Variants in GSE1 observed in about 807,000 individuals in gnomAD.
GSE1 encodes the protein genetic suppressor element 1.
GSE1 carries 32 observed loss-of-function variants against 112.6 expected under a neutral mutation model. The ratio of observed to expected loss-of-function variants is 0.28; its 90% confidence interval spans 0.21 to 0.38. The LOEUF is 0.38. GSE1 is among the 10% of genes least tolerant of loss of function. GSE1 has a pLI of 1.00. For missense variants in GSE1, 2,348 were observed against 1,699.2 expected (o/e 1.38, Z -6.71); for synonymous variants, 1,115 against 735.6 (o/e 1.52, Z -8.35).
chr16:85,663,967 C>T (rs1305148018), intron 11 of GSE1, among the ~76,000 whole-genome samples: 4 of 152,258 alleles, frequency 2.6e-5, no homozygotes, highest in Non-Finnish European at 5.9e-5. Context: ...GCAGGCTTTT[C>T]CTCTTGCTGG....
chr16:85,354,078 C>CACATTCCAGCTGCTCCAGGA (rs1411973090), intron 1 of GSE1, among the ~76,000 whole-genome samples: 1 of 152,200 alleles, frequency 6.6e-6, no homozygotes, highest in Non-Finnish European at 1.5e-5. Context: ...AGGCCCACTT[C>CACATTCCAGCTGCTCCAGGA]ACATTCCAGC....
chr16:85,663,868 C>G (rs1035645088), intron 11 of GSE1, among the ~76,000 whole-genome samples: 1 of 152,268 alleles, frequency 6.6e-6, no homozygotes, highest in African/African-American at 2.4e-5. Context: ...CATCCATCTC[C>G]CAGCGCCCGA....
chr16:85,669,530 A>C (rs952175763), intron 14 of GSE1, among the ~76,000 whole-genome samples: 7 of 152,010 alleles, frequency 4.6e-5, no homozygotes, highest in African/African-American at 1.7e-4. Flanking sequence ...GGAATCTTTG[A>C]GTTTATTGCG....
chr16:85,400,519 G>A (rs531114600), intron 2 of GSE1, among the ~76,000 whole-genome samples: 563 of 151,580 alleles, frequency 3.7e-3, no homozygotes, highest in Middle Eastern at 0.01. Context: ...CTGTGTGGTT[G>A]TGAGCCTGTG....
intron 1 of GSE1, among the ~76,000 whole-genome samples, chr16:85,173,810 G>C (rs2074406822): frequency 6.6e-6 from 1 of 152,218 alleles, no homozygotes; most frequent in African/African-American, 2.4e-5. Context: ...AGTCTGGTGT[G>C]GACGGGAACG....
intron 1 of GSE1, among the ~76,000 whole-genome samples, chr16:85,273,187 G>C (rs1909022606): frequency 6.6e-6 from 1 of 152,210 alleles, no homozygotes; most frequent in South Asian, 2.1e-4. Context: ...GGCCTCTCCG[G>C]GCCCTGGTGT....
intron 1 of GSE1, among the ~76,000 whole-genome samples, chr16:85,632,360 C>T (rs985386104): frequency 1.3e-5 from 2 of 152,068 alleles, no homozygotes; most frequent in African/African-American, 2.4e-5. Flanking sequence ...CATTTGCAGC[C>T]CCCTCTCTCA....
chr16:85,250,478 C>T (rs913467010), intron 1 of GSE1, among the ~76,000 whole-genome samples: 2 of 152,334 alleles, frequency 1.3e-5, no homozygotes, highest in African/African-American at 4.8e-5. Context: ...AGGCCTCCCC[C>T]GACCCCCTAC....
intron 1 of GSE1, among the ~76,000 whole-genome samples, chr16:85,584,976 T>C (rs2046621072): frequency 6.6e-6 from 1 of 151,660 alleles, no homozygotes; most frequent in Non-Finnish European, 1.5e-5. Flanking sequence ...GGTAATGGGA[T>C]GCGCCAGAGA....
chr16:85,585,057 C>G (rs1012957719), intron 1 of GSE1, among the ~76,000 whole-genome samples: 5 of 151,752 alleles, frequency 3.3e-5, no homozygotes, highest in African/African-American at 1.2e-4. Flanking sequence ...CTTTCACTGA[C>G]GGGAAAGAAA....
At chr16:85,354,870 G>A (rs1484998435) in intron 1 of GSE1, among the ~76,000 whole-genome samples, 1 of 152,246 alleles carries the variant, frequency 6.6e-6, no homozygotes, top group Non-Finnish European at 1.5e-5. Flanking sequence ...AAGGCTGCAG[G>A]AGTAGCTCAG....
At chr16:85,272,183 G>A (rs764029771) in intron 1 of GSE1, among the ~76,000 whole-genome samples, 16 of 152,224 alleles carry the variant, frequency 1.1e-4, no homozygotes, top group Non-Finnish European at 1.5e-4. Flanking sequence ...AACAGGCTCC[G>A]CTTTGGATGT....
intron 1 of GSE1, among the ~76,000 whole-genome samples, chr16:85,197,065 T>G (rs1217683239): frequency 6.6e-6 from 1 of 152,138 alleles, no homozygotes; most frequent in African/African-American, 2.4e-5. Flanking sequence ...GACGAGGGGT[T>G]GGATGTGATT....
intron 3 of GSE1, among the ~76,000 whole-genome samples, chr16:85,651,544 T>G (rs1201431445): frequency 6.6e-6 from 1 of 152,096 alleles, no homozygotes; most frequent in Non-Finnish European, 1.5e-5. Flanking sequence ...CCCCTCCTTG[T>G]GGCGGGGCGG....
Position 85,377,507 on chromosome 16 carries a change from C to G in GSE1, c.2464+19864C>G, listed in dbSNP as rs192127359. Among the ~76,000 whole-genome samples, 374 of 152,348 alleles carry G rather than the reference C, an allele frequency of 2.5e-3. 1 individual carries two copies. The highest frequency in any genetic ancestry group is 8.4e-3 in the African/African-American group (349 of 41,572). On this transcript the variant is annotated intron_variant, in intron 2 of 2. Transcript: ENST00000637419. ...CCCTCTCTGTGCCTTAGCTGTCTAT[C>G]TGAATGAAGGAAGGACTGATAGAAT...
At chr16:85,654,729 TC>T in intron 4 of GSE1, 64 bp from the exon 5 acceptor site, 2 of 972,300 alleles carry the variant, frequency 2.1e-6, no homozygotes, top group Middle Eastern at 2.3e-4. Context: ...AGTTTAGCCG[TC>T]CCCCCATGCA....
chr16:85,613,105 C>G (rs1271197290), upstream of GSE1: 3 of 936,622 alleles, frequency 3.2e-6, no homozygotes, highest in Non-Finnish European at 4.3e-6. Flanking sequence ...TCGGTGCGCG[C>G]GCGCGCGCCT....
At chr16:85,496,547 G>A (rs547338778) in intron 2 of GSE1, among the ~76,000 whole-genome samples, 108 of 152,354 alleles carry the variant, frequency 7.1e-4, no homozygotes, top group African/African-American at 2.4e-3. Context: ...CCAGCTGTGG[G>A]CAGGGGGGCC....
At chr16:85,455,487 C>T (rs72798973) in intron 2 of GSE1, among the ~76,000 whole-genome samples, 20 of 152,170 alleles carry the variant, frequency 1.3e-4, no homozygotes, top group Non-Finnish European at 2.9e-4. Context: ...TAACAGCAGA[C>T]CCCATGGTCC....
Sources: allele counts gnomAD v4.1 joint callset (sites outside exome capture counted in the v4.1 genomes callset), GRCh38; gene constraint gnomAD v4.1.1; transcripts MANE v1.5; gene names NCBI Gene and HGNC (gene_info 2026-07-23, HGNC 2026-07-21).